Variants in MYO1H observed in about 807,000 individuals in gnomAD.
The protein encoded by MYO1H is unconventional myosin-Ih.
A neutral mutation model predicts 149.3 loss-of-function variants in MYO1H; 118 were observed. That is an observed-to-expected ratio of 0.79 (90% CI 0.68 to 0.92). MYO1H has a LOEUF of 0.92. MYO1H is among the 40% of genes least tolerant of loss of function. MYO1H has a pLI of 0.00. For synonymous variants in MYO1H, 447 were observed against 465.2 expected, an observed-to-expected ratio of 0.96 and a Z score of 0.50; for missense variants, 1,212 against 1,280.7, an observed-to-expected ratio of 0.95 and a Z score of 0.82.
chr12:109,343,553 C>T (rs2048093005), upstream of MYO1H, among the ~76,000 whole-genome samples: 1 of 152,086 alleles, frequency 6.6e-6, no homozygotes, highest in Non-Finnish European at 1.5e-5. Flanking sequence ...CTACAGACAC[C>T]TAGGTATTCC....
chr12:109,370,361 G>A (rs879826087), intron 1 of MYO1H, among the ~76,000 whole-genome samples: 5 of 152,162 alleles, frequency 3.3e-5, no homozygotes, highest in African/African-American at 4.8e-5. Context: ...TCTCTATCAT[G>A]CCAAGGTCCA....
intron 19 of MYO1H, among the ~76,000 whole-genome samples, chr12:109,428,443 G>A (rs561441926): frequency 1.5e-4 from 23 of 152,114 alleles, no homozygotes; most frequent in Non-Finnish European, 3.1e-4. Context: ...CTGGGATCAG[G>A]GAGTTTGTAA....
chr12:109,347,769 A>G (rs899736572), upstream of MYO1H: 13 of 391,180 alleles, frequency 3.3e-5, no homozygotes, highest in African/African-American at 2.7e-4. Context: ...GTGTGCCTAC[A>G]TGTAGACGGC....
At chr12:109,439,897 C>G (rs907953731) in intron 24 of MYO1H, 107 bp downstream of exon 24, 3 of 980,842 alleles carry the variant, frequency 3.1e-6, no homozygotes, top group Admixed American at 5.0e-5. Context: ...AAGGGCTGCC[C>G]TGGCAAAGCC....
chr12:109,431,992 A>ATTTTTTTTTT (rs554701536), intron 19 of MYO1H, among the ~76,000 whole-genome samples: 2 of 85,746 alleles, frequency 2.3e-5, no homozygotes, highest in Admixed American at 1.6e-4. Context: ...TAAAAAAAAA[A>ATTTTTTTTTT]TTTTTTTTTT....
the MYO1H span, among the ~76,000 whole-genome samples, chr12:109,333,140 T>A: frequency 6.6e-6 from 1 of 152,094 alleles, no homozygotes; most frequent in Non-Finnish European, 1.5e-5. Context: ...GCCAACATGG[T>A]GAAACCCCGT....
rs1211884525 is a variant in MYO1H, at chr12:109,443,361, C to T, written c.2689-153C>T. ...ACGTATATATGTGTGTATATACACA[C>T]ACACACACACACACACACACACACA... On this transcript the variant is annotated intron_variant, in intron 27 of 31. Coordinates refer to ENST00000310903, the Ensembl canonical transcript of MYO1H. Among the ~76,000 whole-genome samples, 17 of 38,664 alleles carry T rather than the reference C, an allele frequency of 4.4e-4. 3 individuals carry two copies. The highest frequency in any genetic ancestry group is 9.8e-4 in the African/African-American group (11 of 11,186). 25.4% of individuals were successfully genotyped at this position (38,664 alleles called of 152,430 possible).
At position 109,427,661 on chromosome 12, in the gene MYO1H, A is replaced by C. The variant is rs554274276; in HGVS notation, c.1949+75A>C. ...TGAGAATCTCTGGGGTTTAGTGGTA[A>C]ATAAAATGGCATCCCTTAGGAAGGC... On this transcript the variant is annotated intron_variant, in intron 19 of 31. Coordinates refer to ENST00000310903, the Ensembl canonical transcript of MYO1H. The C allele has an allele frequency of 1.1e-5, 12 of 1,053,026 alleles. No homozygotes were observed. In the Admixed American group the frequency reaches 1.7e-4, roughly 15 times the overall value. 65.2% of individuals were successfully genotyped at this position (1,053,026 alleles called of 1,614,324 possible). A position where few individuals can be genotyped will look rare whatever the true frequency, so the allele number is the denominator to read the frequency against.
intron 19 of MYO1H, among the ~76,000 whole-genome samples, chr12:109,430,325 A>T (rs1267552059): frequency 6.6e-6 from 1 of 152,172 alleles, no homozygotes; most frequent in Non-Finnish European, 1.5e-5. Flanking sequence ...TCAGGGAGCA[A>T]CCATATCATA....
At chr12:109,397,848 C>G in intron 5 of MYO1H, 36 bp downstream of exon 5, 2 of 1,513,138 alleles carry the variant, frequency 1.3e-6, no homozygotes, top group South Asian at 1.3e-5. Flanking sequence ...TCATGGGGAC[C>G]CCTTATTTTG....
chr12:109,391,094 A>G (rs1220098962), intron 2 of MYO1H, among the ~76,000 whole-genome samples: 1 of 152,132 alleles, frequency 6.6e-6, no homozygotes, highest in African/African-American at 2.4e-5. Context: ...TCAACTTTTA[A>G]CTTCAGGGGT....
At chr12:109,368,131 A>G (rs1868906637) in intron 1 of MYO1H, among the ~76,000 whole-genome samples, 1 of 152,206 alleles carries the variant, frequency 6.6e-6, no homozygotes, top group Non-Finnish European at 1.5e-5. Flanking sequence ...AAAAGGCCAA[A>G]TTATAAGCAG....
intron 15 of MYO1H, among the ~76,000 whole-genome samples, chr12:109,419,429 G>A (rs867812738): frequency 6.6e-6 from 1 of 152,132 alleles, no homozygotes; most frequent in African/African-American, 2.4e-5. Context: ...GATATTTCTG[G>A]TAATAATCTC....
At chr12:109,331,460 A>T in the MYO1H span, among the ~76,000 whole-genome samples, 7 of 140,444 alleles carry the variant, frequency 5.0e-5, no homozygotes, top group Admixed American at 4.9e-4. Flanking sequence ...GAGAGTAGGA[A>T]CAGACTGGGG....
intron 6 of MYO1H, among the ~76,000 whole-genome samples, chr12:109,403,255 A>G (rs1459231868): frequency 6.6e-6 from 1 of 152,198 alleles, no homozygotes; most frequent in Non-Finnish European, 1.5e-5. Context: ...TGTAAAAAAA[A>G]ATTTTTATAT....
At chr12:109,365,058 G>T (rs1299884685) in intron 1 of MYO1H, among the ~76,000 whole-genome samples, 2 of 152,110 alleles carry the variant, frequency 1.3e-5, no homozygotes, top group Admixed American at 1.3e-4. Context: ...ATCGCTTGAG[G>T]CTAGGAGATC....
intron 15 of MYO1H, among the ~76,000 whole-genome samples, chr12:109,417,855 G>A (rs950435494): frequency 6.6e-5 from 10 of 151,094 alleles, no homozygotes; most frequent in African/African-American, 2.2e-4. Context: ...TCGCTCTGTC[G>A]CCCAGACTGG....
exon 21 of MYO1H, chr12:109,435,047 T>C (rs1871799211): frequency 6.2e-7 from 1 of 1,607,344 alleles, no homozygotes; most frequent in Non-Finnish European, 8.5e-7. Context: ...AACCAAAATA[T>C]TCATTCGTTT....
At chr12:109,346,522 A>C (rs183069076), upstream of MYO1H, among the ~76,000 whole-genome samples, 1 of 152,318 alleles carries the variant, frequency 6.6e-6, no homozygotes, top group East Asian at 1.9e-4. Context: ...GCACTTTGGG[A>C]GGCTGAGGCA....
Sources: gnomAD v4.1 joint callset for allele counts (sites outside exome capture counted in the v4.1 genomes callset) on GRCh38, gnomAD v4.1.1 for gene constraint, MANE v1.5 for transcripts, NCBI Gene and HGNC (gene_info 2026-07-23, HGNC 2026-07-21) for gene names.